Variants in CFAP44 observed in about 807,000 individuals in gnomAD.
CFAP44 encodes the protein cilia- and flagella-associated protein 44.
CFAP44 carries 134 observed loss-of-function variants against 216.2 expected under a neutral mutation model. The ratio of observed to expected loss-of-function variants is 0.62; its 90% CI spans 0.54 to 0.72. CFAP44 has a LOEUF of 0.72. CFAP44 is among the 30% of genes least tolerant of loss of function. The pLI is 0.00. For synonymous variants in CFAP44, 700 were observed against 727.6 expected, an observed-to-expected ratio of 0.96 and a Z score of 0.61; for missense variants, 2,035 against 2,182.1, an observed-to-expected ratio of 0.93 and a Z score of 1.34.
chr3:113,333,153 T>A (rs6808878), intron 25 of CFAP44, among the ~76,000 whole-genome samples: 1 of 152,084 alleles, frequency 6.6e-6, no homozygotes, highest in South Asian at 2.1e-4. Context: ...CCCCCAGATA[T>A]ACTGTAAGTA....
At chr3:113,363,930 T>C (rs895748311) in intron 19 of CFAP44, among the ~76,000 whole-genome samples, 8 of 152,286 alleles carry the variant, frequency 5.3e-5, no homozygotes, top group Non-Finnish European at 8.8e-5. Context: ...TTTGTCCAAA[T>C]ACCTCAGTGT....
At chr3:113,363,942 T>C (rs1041749586) in intron 19 of CFAP44, among the ~76,000 whole-genome samples, 2 of 152,128 alleles carry the variant, frequency 1.3e-5, no homozygotes, top group Non-Finnish European at 2.9e-5. Flanking sequence ...CCTCAGTGTG[T>C]CCTAGAAATA....
At chr3:113,341,061 C>G (rs1286747243) in intron 24 of CFAP44, among the ~76,000 whole-genome samples, 1 of 152,230 alleles carries the variant, frequency 6.6e-6, no homozygotes, top group Non-Finnish European at 1.5e-5. Flanking sequence ...TGACCAGTTA[C>G]TTGTGTCTTC....
intron 28 of CFAP44, among the ~76,000 whole-genome samples, chr3:113,318,415 A>G (rs548485336): frequency 6.6e-6 from 1 of 152,296 alleles, no homozygotes; most frequent in South Asian, 2.1e-4. Flanking sequence ...AAATCTCTGA[A>G]ACATATGAGA....
chr3:113,378,312 T>A (rs1450333089), intron 17 of CFAP44, among the ~76,000 whole-genome samples: 1 of 152,178 alleles, frequency 6.6e-6, no homozygotes. Context: ...ATAGTAGCCA[T>A]TTACAATTGT....
Position 113,373,514 on chromosome 3 carries a change from G to C in CFAP44, c.2341C>G (p.Pro781Ala). 1 of 1,603,006 alleles carries C rather than the reference G, an allele frequency of 6.2e-7. No individual in the cohort carries two copies. The highest frequency in any genetic ancestry group is 8.5e-7 in the Non-Finnish European group (1 of 1,174,158). ...TTGAAATCACTGCTTTCATCACAAG[G>C]GGGGAACTCACAGTGATATAGAAAA... ...SGFLYHCEFP[P>A]CDESSDFKEQ... The change falls in exon 18 of 35, where the codon CCT (proline) becomes GCT (alanine). Residue 781 changes from proline (P) to alanine (A), a missense_variant. By Grantham distance (27) the Pro-to-Ala change is conservative. Coordinates refer to ENST00000393845, the MANE Select transcript of CFAP44 (RefSeq NM_001164496.2).
At chr3:113,385,231 A>G (rs1933615559) in intron 15 of CFAP44, among the ~76,000 whole-genome samples, 1 of 152,164 alleles carries the variant, frequency 6.6e-6, no homozygotes, top group Non-Finnish European at 1.5e-5. Context: ...TTTATTTATA[A>G]ATTACCCAGT....
chr3:113,390,860 A>G (rs1186652616), intron 15 of CFAP44, among the ~76,000 whole-genome samples: 12 of 152,196 alleles, frequency 7.9e-5, no homozygotes, highest in African/African-American at 2.4e-4. Context: ...CAAAAAAAGG[A>G]AAGATATTCC....
chr3:113,309,153 T>C (rs1950014297), intron 28 of CFAP44, among the ~76,000 whole-genome samples: 1 of 152,136 alleles, frequency 6.6e-6, no homozygotes, highest in Non-Finnish European at 1.5e-5. Context: ...ACCTATTTAG[T>C]CCAATTCTAG....
chr3:113,362,900 T>C, intron 21 of CFAP44: 1 of 1,237,950 alleles, frequency 8.1e-7, no homozygotes, highest in Non-Finnish European at 1.0e-6. Flanking sequence ...CATGTATTCC[T>C]TTCATGTGTT....
chr3:113,338,020 T>C (rs1950295297), intron 24 of CFAP44, among the ~76,000 whole-genome samples: 1 of 151,856 alleles, frequency 6.6e-6, no homozygotes, highest in Non-Finnish European at 1.5e-5. Flanking sequence ...CCCAGCACTT[T>C]GGGAGGCCAG....
At chr3:113,293,113 G>A (rs889904903) in intron 34 of CFAP44, among the ~76,000 whole-genome samples, 2 of 152,150 alleles carry the variant, frequency 1.3e-5, no homozygotes, top group African/African-American at 4.8e-5. Context: ...AGGGCTTTTG[G>A]TTGCTTGTAG....
chr3:113,302,133 A>T (rs1401823467), intron 32 of CFAP44, among the ~76,000 whole-genome samples: 1 of 152,080 alleles, frequency 6.6e-6, no homozygotes, highest in African/African-American at 2.4e-5. Flanking sequence ...ATAGTATTTC[A>T]TTGTGTACAT....
At chr3:113,355,969 A>C (rs1015287153) in intron 22 of CFAP44, among the ~76,000 whole-genome samples, 6 of 151,296 alleles carry the variant, frequency 4.0e-5, no homozygotes, top group African/African-American at 1.5e-4. Context: ...AGGACATTAA[A>C]GCAATTATTA....
intron 18 of CFAP44, among the ~76,000 whole-genome samples, chr3:113,366,644 G>A (rs1932942650): frequency 1.3e-5 from 2 of 152,158 alleles, no homozygotes; most frequent in East Asian, 1.9e-4. Context: ...CAGCAAGATC[G>A]ACTCAGAAGA....
At chr3:113,304,257 T>A in intron 31 of CFAP44, 140 bp from the exon 32 acceptor site, 2 of 783,066 alleles carry the variant, frequency 2.6e-6, no homozygotes, top group Non-Finnish European at 4.0e-6. Context: ...CCTTACTGAG[T>A]AACAGTAGCC....
chr3:113,316,281 G>A (rs1950086107), intron 28 of CFAP44, among the ~76,000 whole-genome samples: 1 of 152,152 alleles, frequency 6.6e-6, no homozygotes, highest in Non-Finnish European at 1.5e-5. Flanking sequence ...TAAAATCTGT[G>A]AGATGCAGCC....
At chr3:113,305,394 T>C (rs1411893143) in intron 30 of CFAP44, among the ~76,000 whole-genome samples, 1 of 152,192 alleles carries the variant, frequency 6.6e-6, no homozygotes, top group African/African-American at 2.4e-5. Context: ...GTTTTGTGAA[T>C]AAGAGCCCAG....
intron 22 of CFAP44, among the ~76,000 whole-genome samples, chr3:113,348,101 C>T (rs1225894490): frequency 6.6e-6 from 1 of 152,174 alleles, no homozygotes; most frequent in African/African-American, 2.4e-5. Flanking sequence ...GTCCAGGGAC[C>T]ATTGCAGGTT....
Sources: allele counts gnomAD v4.1 joint callset (sites outside exome capture counted in the v4.1 genomes callset), GRCh38; gene constraint gnomAD v4.1.1; transcripts MANE v1.5; gene names NCBI Gene and HGNC (gene_info 2026-07-23, HGNC 2026-07-21).